ADAM2: variants seen among roughly 807,000 people sequenced by gnomAD.
The protein encoded by ADAM2 is ADAM metallopeptidase domain 2, also known as disintegrin and metalloproteinase domain-containing protein 2.
In ADAM2, 101 loss-of-function variants were observed where a neutral mutation model predicts 99.3. The ratio of observed to expected loss-of-function variants is 1.02; its 90% CI spans 0.87 to 1.20. ADAM2 has a LOEUF of 1.20. Ranked by LOEUF, ADAM2 falls within the 50% of genes most tolerant of loss-of-function variation. ADAM2 has a pLI of 0.00. For missense variants in ADAM2, 948 were observed against 878.7 expected (o/e 1.08, Z -1.00); for synonymous variants, 323 against 287.6 (o/e 1.12, Z -1.25).
chr8:39,810,074 A>G (rs192606755), intron 6 of ADAM2, among the ~76,000 whole-genome samples: 405 of 152,326 alleles, frequency 2.7e-3, no homozygotes, highest in Middle Eastern at 6.8e-3. Flanking sequence ...GCTCAAAATA[A>G]AGGGATGTAG....
At chr8:39,801,592 C>T (rs1482631099) in intron 7 of ADAM2, among the ~76,000 whole-genome samples, 3 of 152,104 alleles carry the variant, frequency 2.0e-5, no homozygotes, top group African/African-American at 4.8e-5. Flanking sequence ...CTGGGCTGCT[C>T]GGATAACTCA....
intron 2 of ADAM2, among the ~76,000 whole-genome samples, chr8:39,835,764 A>G (rs569523325): frequency 1.1e-4 from 16 of 152,174 alleles, no homozygotes; most frequent in Non-Finnish European, 1.6e-4. Context: ...TTCAAAATAT[A>G]TAGTTTCATA....
At position 39,788,139 on chromosome 8, in the gene ADAM2, C is replaced by T. The variant is rs763107419; in HGVS notation, c.755G>A (p.Arg252Lys). 6.3e-7 allele frequency: 1 copy of T among 1,582,082 alleles called. No individual in the cohort carries two copies. The highest frequency in any genetic ancestry group is 1.2e-5 in the South Asian group (1 of 85,052). The change falls in exon 9 of 21, where the codon AGA becomes AAA. Residue 252 changes from arginine (R) to lysine (K), a missense_variant. Coordinates refer to ENST00000265708, the MANE Select transcript of ADAM2 (RefSeq NM_001464.5). ...TAAAACAAGATAAGATGTTTTCCAT[C>T]TTAAAAATGTGTGTAATAACTCATT... ...EANELLHTFL[R>K]WKTSYLVLRP... is the part of the protein sequence containing the mutation.
intron 3 of ADAM2, among the ~76,000 whole-genome samples, chr8:39,832,603 AT>A (rs1168428782): frequency 2.6e-5 from 4 of 152,102 alleles, no homozygotes. Flanking sequence ...TACTTTATTG[AT>A]ATTTTACAAT....
At chr8:39,821,319 A>C in intron 5 of ADAM2, 149 bp from the exon 6 acceptor site, 1 of 646,692 alleles carries the variant, frequency 1.5e-6, no homozygotes, top group Non-Finnish European at 2.6e-6. Flanking sequence ...CTGGGTATCC[A>C]CAAACTTACT....
intron 11 of ADAM2, among the ~76,000 whole-genome samples, chr8:39,773,523 T>C (rs776855903): frequency 2.0e-5 from 3 of 151,618 alleles, no homozygotes; most frequent in Non-Finnish European, 3.0e-5. Context: ...GTTAGAGTGA[T>C]TATAAAAAGA....
chr8:39,745,878 A>G (rs1460247772), intron 19 of ADAM2, among the ~76,000 whole-genome samples: 1 of 152,164 alleles, frequency 6.6e-6, no homozygotes, highest in Admixed American at 6.5e-5. Flanking sequence ...TTTAAAGATA[A>G]ACTTTAAACT....
chr8:39,799,140 T>C (rs903874206), intron 7 of ADAM2, among the ~76,000 whole-genome samples: 6 of 152,076 alleles, frequency 3.9e-5, no homozygotes, highest in Admixed American at 1.3e-4. Context: ...TTAGACTCAA[T>C]TTGAGATCTT....
At chr8:39,811,138 C>T (rs1000961531) in intron 6 of ADAM2, among the ~76,000 whole-genome samples, 8 of 152,096 alleles carry the variant, frequency 5.3e-5, no homozygotes, top group Non-Finnish European at 1.0e-4. Flanking sequence ...TACAAGCTAC[C>T]ATCAGAGAAT....
chr8:39,798,993 C>T (rs1252478589), intron 7 of ADAM2, among the ~76,000 whole-genome samples: 1 of 101,188 alleles, frequency 9.9e-6, no homozygotes, highest in African/African-American at 4.7e-5. Flanking sequence ...AAACCAGCTC[C>T]TGGATTCATT....
intron 7 of ADAM2, among the ~76,000 whole-genome samples, chr8:39,794,763 A>G (rs1000715492): frequency 2.6e-5 from 4 of 151,928 alleles, no homozygotes; most frequent in African/African-American, 9.7e-5. Context: ...GAGCCCTTAA[A>G]AGGGACAGGA....
At chr8:39,820,169 T>C (rs970706493) in intron 6 of ADAM2, among the ~76,000 whole-genome samples, 1 of 152,148 alleles carries the variant, frequency 6.6e-6, no homozygotes. Context: ...TATAATGAGA[T>C]TGGCTGCTCC....
intron 7 of ADAM2, among the ~76,000 whole-genome samples, chr8:39,799,588 T>C (rs1804118042): frequency 6.6e-6 from 1 of 152,210 alleles, no homozygotes; most frequent in Admixed American, 6.5e-5. Context: ...CTGAATATCC[T>C]TGTTAATTTT....
intron 3 of ADAM2, among the ~76,000 whole-genome samples, chr8:39,825,578 T>C (rs1805364666): frequency 6.6e-6 from 1 of 150,658 alleles, no homozygotes; most frequent in South Asian, 2.1e-4. Flanking sequence ...GTAAATCAAG[T>C]AGGATAAAGG....
intron 15 of ADAM2, 83 bp downstream of exon 15, chr8:39,761,093 C>A: frequency 2.6e-6 from 2 of 776,592 alleles, no homozygotes; most frequent in Non-Finnish European, 3.9e-6. Context: ...GGATATTTTG[C>A]TTACATAAAC....
chr8:39,814,468 T>C (rs1301559027), intron 6 of ADAM2, among the ~76,000 whole-genome samples: 1 of 152,124 alleles, frequency 6.6e-6, no homozygotes, highest in Non-Finnish European at 1.5e-5. Context: ...ACTCCAAATT[T>C]AGGACAAAGG....
At position 39,766,936 on chromosome 8, in the gene ADAM2, A is replaced by G; in HGVS notation, c.1419T>C (p.Thr473=). 5 of 1,614,204 alleles carry G rather than the reference A, an allele frequency of 3.1e-6. No individual in the cohort carries two copies. Among genetic ancestry groups the G allele is most frequent in the Non-Finnish European group, 3.4e-6 (4 of 1,180,022 alleles). Residue 473 remains threonine, a synonymous_variant, in exon 14 of 21, where the codon ACT becomes ACC. Transcript: ENST00000265708. ...ASCPENHYVQ[T]GHPCGLNQWI... is the part of the protein sequence containing the mutation. ...ATTGATTCAGTCCACACGGATGCCC[A>G]GTCTGAACATAGTGGTTTTCTGGGC... is the stretch of plus-strand genomic sequence containing the variant.
chr8:39,776,795 A>G (rs934908062), intron 11 of ADAM2, among the ~76,000 whole-genome samples: 1 of 152,148 alleles, frequency 6.6e-6, no homozygotes, highest in Non-Finnish European at 1.5e-5. Context: ...ACAAGTAAAC[A>G]TATTGATAAA....
intron 10 of ADAM2, among the ~76,000 whole-genome samples, chr8:39,782,186 G>T (rs34036527): frequency 6.6e-6 from 1 of 152,042 alleles, no homozygotes; most frequent in East Asian, 1.9e-4. Context: ...CATTAAGTTT[G>T]CTGAGAGTAT....
Sources: gnomAD v4.1 joint callset for allele counts (sites outside exome capture counted in the v4.1 genomes callset) on GRCh38, gnomAD v4.1.1 for gene constraint, MANE v1.5 for transcripts, NCBI Gene and HGNC (gene_info 2026-07-23, HGNC 2026-07-21) for gene names.